The following ZFAT variants were observed in gnomAD, a reference collection of about 807,000 sequenced individuals.
The protein encoded by ZFAT is zinc finger and AT-hook domain containing.
In ZFAT, 64 loss-of-function variants were observed where a neutral mutation model predicts 117.7. That is an observed-to-expected ratio of 0.54 (90% CI 0.44 to 0.67). The LOEUF is 0.67. ZFAT is among the 30% of genes least tolerant of loss of function. The pLI, the probability that ZFAT is intolerant of heterozygous loss-of-function variation, is 0.00. For missense variants in ZFAT, 1,433 were observed against 1,584.5 expected (o/e 0.90, Z 1.62); for synonymous variants, 679 against 615.0 (o/e 1.10, Z -1.54).
At chr8:134,620,033 A>G (rs950008894) in intron 3 of ZFAT, among the ~76,000 whole-genome samples, 2 of 152,226 alleles carry the variant, frequency 1.3e-5, no homozygotes, top group South Asian at 2.1e-4. Flanking sequence ...ATGAGGTGAT[A>G]GTCAAATGGC....
chr8:134,710,974 AAGGTACCT>A (rs1813970270), intron 1 of ZFAT, among the ~76,000 whole-genome samples: 1 of 152,252 alleles, frequency 6.6e-6, no homozygotes, highest in African/African-American at 2.4e-5. Flanking sequence ...CAAGGTGTTC[AAGGTACCT>A]AAGCGGCACA....
At chr8:134,527,143 T>G (rs2130520363) in intron 12 of ZFAT, among the ~76,000 whole-genome samples, 1 of 152,176 alleles carries the variant, frequency 6.6e-6, no homozygotes, top group Admixed American at 6.5e-5. Flanking sequence ...ATTTCTGGCT[T>G]TGAAGGTGGA....
rs141965303 is a variant in ZFAT, at chr8:134,691,037, G to C, written c.19+21808C>G. Reference sequence around the variant, plus strand: ...TTTTGTAGACTCTTGCTGTTGGAAAGGACAGAGTGTCCAAGTCCAGCTTCC... The same window carrying C: ...TTTTGTAGACTCTTGCTGTTGGAAACGACAGAGTGTCCAAGTCCAGCTTCC... On this transcript the variant is annotated intron_variant, in intron 1 of 15. Coordinates refer to ENST00000377838, the MANE Select transcript of ZFAT (RefSeq NM_020863.4). Among the ~76,000 whole-genome samples, 770 of 152,350 alleles carry C rather than the reference G, an allele frequency of 5.1e-3. 6 individuals are homozygous for C. Among genetic ancestry groups the C allele is most frequent in the African/African-American group, 0.018 (737 of 41,574 alleles).
At chr8:134,795,936 T>A in the ZFAT span, 1 of 152,132 alleles carries the variant, frequency 6.6e-6, no homozygotes, top group Non-Finnish European at 1.5e-5. Flanking sequence ...AAGCCCCATA[T>A]TTTGGGGTAT....
At chr8:134,701,387 T>G (rs1189367414) in intron 1 of ZFAT, among the ~76,000 whole-genome samples, 3 of 152,270 alleles carry the variant, frequency 2.0e-5, no homozygotes, top group Non-Finnish European at 4.4e-5. Flanking sequence ...CTTTATTCTA[T>G]GTATACATTA....
chr8:134,751,456 C>T, the ZFAT span, among the ~76,000 whole-genome samples: 3 of 152,138 alleles, frequency 2.0e-5, no homozygotes, highest in East Asian at 1.9e-4. Flanking sequence ...AAGGCAGAGA[C>T]CCAGTCCAAA....
At chr8:134,532,995 T>G in intron 11 of ZFAT, 23 bp from the exon 12 acceptor site, 1 of 1,584,128 alleles carries the variant, frequency 6.3e-7, no homozygotes, top group Non-Finnish European at 8.6e-7. Context: ...TGAGGAGGGG[T>G]TAGGAAAGGT....
At chr8:134,543,529 G>T (rs1436620440) in intron 11 of ZFAT, among the ~76,000 whole-genome samples, 1 of 152,240 alleles carries the variant, frequency 6.6e-6, no homozygotes, top group African/African-American at 2.4e-5. Flanking sequence ...GGCTGTTCCT[G>T]CCCCTTAGCG....
the ZFAT span, among the ~76,000 whole-genome samples, chr8:134,727,288 G>C: frequency 6.6e-6 from 1 of 152,214 alleles, no homozygotes; most frequent in Non-Finnish European, 1.5e-5. Flanking sequence ...CAGGCTGGTG[G>C]ACACCTGAGA....
chr8:134,589,867 C>T (rs868620259), intron 8 of ZFAT, among the ~76,000 whole-genome samples: 14 of 152,310 alleles, frequency 9.2e-5, no homozygotes, highest in African/African-American at 2.2e-4. Context: ...TGAGAATACC[C>T]GTGGTAATGG....
intron 1 of ZFAT, among the ~76,000 whole-genome samples, chr8:134,668,253 G>A (rs1832346392): frequency 6.6e-6 from 1 of 152,230 alleles, no homozygotes; most frequent in South Asian, 2.1e-4. Context: ...CAGCTTTGAA[G>A]ACAGTAGTGG....
chr8:134,683,619 C>A (rs537625964), intron 1 of ZFAT, among the ~76,000 whole-genome samples: 4 of 152,108 alleles, frequency 2.6e-5, no homozygotes, highest in Admixed American at 2.0e-4. Flanking sequence ...GTTGGAAGAG[C>A]CTTGAGTGTG....
At chr8:134,486,547 C>A (rs1466852956) in intron 15 of ZFAT, among the ~76,000 whole-genome samples, 1 of 152,094 alleles carries the variant, frequency 6.6e-6, no homozygotes, top group South Asian at 2.1e-4. Context: ...GGAAGGCACC[C>A]GGGGTTGTGG....
At position 134,565,421 on chromosome 8, in the gene ZFAT, C is replaced by T; in HGVS notation, c.2888G>A (p.Gly963Glu). ...KSHKLLHTADGKQFKCTVCDY... is the reference protein window; with the variant it reads ...KSHKLLHTADEKQFKCTVCDY... ...ACACACCGTGCACTTAAACTGCTTC[C>T]CTGGAAAGAAGCGGAGGACAAGATG... The change falls in exon 11 of 16, where the codon GGG (glycine) becomes GAG (glutamate). Residue 963 changes from glycine to glutamate, a missense_variant and splice_region_variant. Physicochemically the swap from Gly to Glu is moderately conservative, Grantham distance 98. Coordinates refer to ENST00000377838, the MANE Select transcript of ZFAT (RefSeq NM_020863.4). 1 of 1,612,212 alleles carries T rather than the reference C, an allele frequency of 6.2e-7. No homozygotes were observed. Among genetic ancestry groups the T allele is most frequent in the Non-Finnish European group, 8.5e-7 (1 of 1,179,466 alleles).
chr8:134,578,753 G>A (rs1247775740), intron 10 of ZFAT, among the ~76,000 whole-genome samples: 1 of 152,148 alleles, frequency 6.6e-6, no homozygotes, highest in Non-Finnish European at 1.5e-5. Flanking sequence ...TTGAGAAGCG[G>A]GAGAACTCCA....
rs894492057 is a variant in ZFAT at position 134,712,555 on chromosome 8, C to A, written c.19+290G>T. 5.3e-5 allele frequency among the ~76,000 whole-genome samples: 8 copies of A among 152,004 alleles called. 1 individual carries two copies. The highest frequency in any genetic ancestry group is 1.2e-4 in the Non-Finnish European group (8 of 68,016). On this transcript the variant is annotated intron_variant, in intron 1 of 15. Coordinates refer to ENST00000377838, the MANE Select transcript of ZFAT (RefSeq NM_020863.4). ...CGCCCACTGCGTTCCGTCGCTGGCC[C>A]GCGCCCCAACGCCACCCATTGCCGT...
At chr8:134,513,428 C>T (rs1820009495) in intron 13 of ZFAT, among the ~76,000 whole-genome samples, 1 of 152,158 alleles carries the variant, frequency 6.6e-6, no homozygotes, top group Admixed American at 6.5e-5. Context: ...TCTCCTGAGC[C>T]TCCCAAAGTG....
At chr8:134,683,061 T>G (rs1197551225) in intron 1 of ZFAT, among the ~76,000 whole-genome samples, 2 of 152,242 alleles carry the variant, frequency 1.3e-5, no homozygotes, top group East Asian at 3.8e-4. Context: ...TCATAACATA[T>G]TGAGTTTGTT....
intron 11 of ZFAT, among the ~76,000 whole-genome samples, chr8:134,536,255 C>T (rs1200223401): frequency 2.0e-5 from 3 of 152,210 alleles, no homozygotes; most frequent in African/African-American, 7.2e-5. Context: ...TTGGCGAAAT[C>T]TTCCCTCCAT....
Sources: allele counts gnomAD v4.1 joint callset (sites outside exome capture counted in the v4.1 genomes callset), GRCh38; gene constraint gnomAD v4.1.1; transcripts MANE v1.5; gene names NCBI Gene and HGNC (gene_info 2026-07-23, HGNC 2026-07-21).